SV2C: variants seen among roughly 807,000 people sequenced by gnomAD.
The protein encoded by SV2C is synaptic vesicle glycoprotein 2C.
SV2C carries 49 observed loss-of-function variants against 79.7 expected under a neutral mutation model. The ratio of observed to expected loss-of-function variants is 0.61; its 90% CI spans 0.49 to 0.78. The LOEUF is 0.78. Ranked by LOEUF, SV2C falls within the 30% of genes least tolerant of loss-of-function variation. The pLI, the probability that SV2C is intolerant of heterozygous loss-of-function variation, is 0.00. For missense variants in SV2C, 833 were observed against 912.9 expected, an observed-to-expected ratio of 0.91 and a Z score of 1.13; for synonymous variants, 334 against 333.2, an observed-to-expected ratio of 1.00 and a Z score of -0.03.
chr5:76,043,453 C>T, the SV2C span, among the ~76,000 whole-genome samples: 6 of 152,158 alleles, frequency 3.9e-5, no homozygotes, highest in Admixed American at 2.6e-4. Flanking sequence ...AGCTAGTAAC[C>T]CAGATTCAAG....
intron 1 of SV2C, among the ~76,000 whole-genome samples, chr5:76,120,174 A>T (rs1287380145): frequency 6.6e-6 from 1 of 152,194 alleles, no homozygotes; most frequent in Non-Finnish European, 1.5e-5. Context: ...ATCTACCAGC[A>T]CACATTTCAT....
At chr5:76,035,478 T>C in the SV2C span, among the ~76,000 whole-genome samples, 1 of 152,142 alleles carries the variant, frequency 6.6e-6, no homozygotes, top group Non-Finnish European at 1.5e-5. Flanking sequence ...TCAAAGAACA[T>C]CTTTATTTCT....
At chr5:76,192,426 AC>A (rs2112323371) in intron 2 of SV2C, among the ~76,000 whole-genome samples, 1 of 152,324 alleles carries the variant, frequency 6.6e-6, no homozygotes, top group African/African-American at 2.4e-5. Flanking sequence ...GGATGAAGAT[AC>A]CTTTTAAGTC....
intron 1 of SV2C, among the ~76,000 whole-genome samples, chr5:76,096,102 A>C (rs564674829): frequency 5.9e-5 from 9 of 152,162 alleles, no homozygotes; most frequent in Non-Finnish European, 7.4e-5. Context: ...GAGTGAGTTC[A>C]TGAAATACAC....
At chr5:76,257,140 T>G (rs1210533089) in intron 4 of SV2C, among the ~76,000 whole-genome samples, 4 of 124,208 alleles carry the variant, frequency 3.2e-5, no homozygotes, top group Admixed American at 8.5e-5. Context: ...AGCAAAGAAA[T>G]TCCTTGATGT....
At chr5:75,908,588 T>C in the SV2C span, among the ~76,000 whole-genome samples, 2 of 152,168 alleles carry the variant, frequency 1.3e-5, no homozygotes, top group Non-Finnish European at 2.9e-5. Flanking sequence ...TCTGGCCATA[T>C]GGTAGGAAGG....
At chr5:76,217,765 G>A (rs1168662835) in intron 4 of SV2C, among the ~76,000 whole-genome samples, 3 of 151,828 alleles carry the variant, frequency 2.0e-5, no homozygotes, top group African/African-American at 7.3e-5. Flanking sequence ...AAAAAAAAAA[G>A]GATAGAAGCT....
chr5:76,325,203 A>T (rs67444414), intron 12 of SV2C, among the ~76,000 whole-genome samples, 161 bp from the exon 13 acceptor site: 25 of 152,234 alleles, frequency 1.6e-4, no homozygotes, highest in Non-Finnish European at 3.2e-4. Flanking sequence ...ACCAACAGCT[A>T]GGATTCTCTA....
At chr5:76,000,024 G>A in the SV2C span, among the ~76,000 whole-genome samples, 1 of 152,002 alleles carries the variant, frequency 6.6e-6, no homozygotes, top group East Asian at 1.9e-4. Context: ...ATAAATTTGC[G>A]AGGGGACACA....
At chr5:76,201,099 C>T (rs565499535) in intron 3 of SV2C, among the ~76,000 whole-genome samples, 2 of 152,248 alleles carry the variant, frequency 1.3e-5, no homozygotes, top group East Asian at 1.9e-4. Flanking sequence ...AATGTTTATT[C>T]GGTACAATGA....
chr5:76,009,742 G>A, the SV2C span, among the ~76,000 whole-genome samples: 153 of 152,076 alleles, frequency 1.0e-3, no homozygotes, highest in Middle Eastern at 0.014. Context: ...CAATAGACAC[G>A]GGGGACCCCT....
the SV2C span, among the ~76,000 whole-genome samples, chr5:75,892,136 T>A: frequency 6.6e-6 from 1 of 152,220 alleles, no homozygotes; most frequent in East Asian, 1.9e-4. Flanking sequence ...AAACTCCAGC[T>A]CTTACCTCAG....
the SV2C span, among the ~76,000 whole-genome samples, chr5:75,925,072 A>G: frequency 0.056 from 8,591 of 152,276 alleles, 679 homozygotes; most frequent in African/African-American, 0.18. Flanking sequence ...TTACACTATT[A>G]GTAAAAACAC....
At chr5:76,171,608 T>TG (rs1184285564) in intron 2 of SV2C, among the ~76,000 whole-genome samples, 3,179 of 104,662 alleles carry the variant, frequency 0.03, 107 homozygotes, top group African/African-American at 0.082. Flanking sequence ...AGGAGAGAGG[T>TG]GGGGGGGGGG....
the SV2C span, among the ~76,000 whole-genome samples, chr5:75,904,164 G>C: frequency 1.3e-5 from 2 of 152,102 alleles, no homozygotes; most frequent in Admixed American, 6.6e-5. Flanking sequence ...GGGTTTTTAG[G>C]TTAGGGAGAG....
At position 76,254,158 on chromosome 5, in the gene SV2C, ATATG is replaced by A. The variant is rs1316911310; in HGVS notation, c.914-31002_914-30999del. Among the ~76,000 whole-genome samples, 618 of 144,280 alleles carry A rather than the reference ATATG, an allele frequency of 4.3e-3. 4 individuals are homozygous for A. The highest frequency in any genetic ancestry group is 0.016 in the African/African-American group (580 of 35,570). The allele number at this position is 144,280 out of a possible 152,430, so 94.7% of individuals were successfully genotyped here. A position where few individuals can be genotyped will look rare whatever the true frequency, so the allele number is the denominator to read the frequency against. The stretch of plus-strand genomic sequence containing the variant: ...TATATGTGTTATTATATATATATAT[ATATG>A]TGTGTGTGTGTATATATATGTGTGT... On this transcript the variant is annotated intron_variant, in intron 4 of 12. Transcript: ENST00000502798.
At chr5:75,877,820 A>C in the SV2C span, among the ~76,000 whole-genome samples, 1 of 152,080 alleles carries the variant, frequency 6.6e-6, no homozygotes, top group African/African-American at 2.4e-5. Flanking sequence ...TTTTCTCGGA[A>C]ACCTCATCAG....
At chr5:76,286,263 T>C (rs924443872) in intron 6 of SV2C, among the ~76,000 whole-genome samples, 2 of 152,102 alleles carry the variant, frequency 1.3e-5, no homozygotes, top group Non-Finnish European at 2.9e-5. Context: ...GGACAAGAGA[T>C]TCTTGGTGTA....
rs75568969 is a variant in SV2C at position 76,207,480 on chromosome 5, G to A, written c.762-2256G>A. Among the ~76,000 whole-genome samples the A allele has an allele frequency of 8.0e-3, 1,217 of 152,308 alleles. 18 individuals are homozygous for A. Among genetic ancestry groups the A allele is most frequent in the African/African-American group, 0.028 (1,156 of 41,556 alleles). Reference sequence around the variant, plus strand: ...ATATTTTATTTCATACTAGGATTGTGTGTTATAATGAAACCACTTATAATC... The same window carrying A: ...ATATTTTATTTCATACTAGGATTGTATGTTATAATGAAACCACTTATAATC... On this transcript the variant is annotated intron_variant, in intron 3 of 12. Transcript: ENST00000502798.
Sources: allele counts gnomAD v4.1 joint callset (sites outside exome capture counted in the v4.1 genomes callset), GRCh38; gene constraint gnomAD v4.1.1; transcripts MANE v1.5; gene names NCBI Gene and HGNC (gene_info 2026-07-23, HGNC 2026-07-21).